Variants in SNTG1 observed in about 807,000 individuals in gnomAD.
SNTG1 encodes syntrophin gamma 1.
A neutral mutation model predicts 74.7 loss-of-function variants in SNTG1; 39 were observed. That is an observed-to-expected ratio of 0.52 (90% CI 0.40 to 0.68). The LOEUF is 0.68. Among genes scored for constraint, SNTG1 ranks in the 30% least tolerant of loss-of-function variants. The pLI, the probability that SNTG1 is intolerant of heterozygous loss-of-function variation, is 0.00. For missense variants in SNTG1, 685 were observed against 609.5 expected (o/e 1.12, Z -1.30); for synonymous variants, 254 against 217.1 (o/e 1.17, Z -1.49).
rs201483290 is a variant in SNTG1 at position 50,657,070 on chromosome 8, A to C, written c.966+45A>C. 16 of 1,179,156 alleles carry C rather than the reference A, an allele frequency of 1.4e-5. No homozygotes were observed. The African/African-American group carries it at 2.1e-4, about 15-fold the overall frequency. 73.0% of individuals were successfully genotyped at this position (1,179,156 alleles called of 1,614,324 possible). A position where few individuals can be genotyped will look rare whatever the true frequency, so the allele number is the denominator to read the frequency against. Reference sequence around the variant, plus strand: ...GTATTGGTCGTTTCCATATTATCACAAGAGATTGACACCAACTTAACAGCA... The same window carrying C: ...GTATTGGTCGTTTCCATATTATCACCAGAGATTGACACCAACTTAACAGCA... On this transcript the variant is annotated intron_variant, in intron 14 of 18. Coordinates refer to ENST00000642720, the MANE Select transcript of SNTG1 (RefSeq NM_018967.5).
chr8:50,628,600 T>C (rs529916764), intron 13 of SNTG1, among the ~76,000 whole-genome samples: 3 of 152,278 alleles, frequency 2.0e-5, no homozygotes, highest in South Asian at 2.1e-4. Context: ...CAGAATCTAT[T>C]CTTGTTGTAC....
intron 1 of SNTG1, among the ~76,000 whole-genome samples, chr8:50,111,494 G>C (rs1410137278): frequency 6.6e-6 from 1 of 152,092 alleles, no homozygotes; most frequent in Non-Finnish European, 1.5e-5. Context: ...AGTGAGAAGG[G>C]AGGAAGAGAG....
intron 11 of SNTG1, among the ~76,000 whole-genome samples, chr8:50,548,030 G>T (rs191950312): frequency 4.4e-4 from 67 of 152,324 alleles, no homozygotes; most frequent in African/African-American, 1.5e-3. Context: ...TCCTGTGAGG[G>T]TAGAAAGGTA....
chr8:50,180,857 T>A (rs2083180383), intron 2 of SNTG1, among the ~76,000 whole-genome samples: 2 of 148,886 alleles, frequency 1.3e-5, no homozygotes, highest in South Asian at 4.3e-4. Context: ...ACCTCCCAGG[T>A]TCAAGCGACT....
intron 2 of SNTG1, among the ~76,000 whole-genome samples, chr8:50,219,160 T>C (rs2084937277): frequency 6.6e-6 from 1 of 152,156 alleles, no homozygotes; most frequent in Non-Finnish European, 1.5e-5. Flanking sequence ...ATAAAGCATT[T>C]CCAATGACAG....
At chr8:50,436,808 T>C (rs2093308411) in intron 4 of SNTG1, among the ~76,000 whole-genome samples, 1 of 152,208 alleles carries the variant, frequency 6.6e-6, no homozygotes, top group African/African-American at 2.4e-5. Context: ...TTTTAAATTA[T>C]TAATAGATTT....
chr8:50,343,238 G>A (rs2091371950), intron 2 of SNTG1, among the ~76,000 whole-genome samples: 1 of 152,178 alleles, frequency 6.6e-6, no homozygotes, highest in African/African-American at 2.4e-5. Context: ...AAATAGGTAA[G>A]AACGACCATC....
In SNTG1 at chr8:50,108,527, A is replaced by C. The variant is rs530308010; in HGVS notation, c.-102-64034A>C. On this transcript the variant is annotated intron_variant, in intron 1 of 18. Coordinates refer to ENST00000642720, the MANE Select transcript of SNTG1 (RefSeq NM_018967.5). ...GCTATAAAGATGATACTGTACAAAA[A>C]GCAAGATTTATTTTGTAACAAAACA... 3.3e-5 allele frequency among the ~76,000 whole-genome samples: 5 copies of C among 152,340 alleles called. No homozygotes were observed. The South Asian group carries it at 1.0e-3, about 32-fold the overall frequency.
chr8:50,496,981 GA>G (rs34727478), intron 8 of SNTG1, among the ~76,000 whole-genome samples: 19 of 147,346 alleles, frequency 1.3e-4, no homozygotes, highest in African/African-American at 4.2e-4. Flanking sequence ...AAGAAAAATT[GA>G]AAAAAAAAAC....
At chr8:50,657,713 G>A (rs1013935701) in intron 14 of SNTG1, among the ~76,000 whole-genome samples, 2 of 151,878 alleles carry the variant, frequency 1.3e-5, no homozygotes, top group African/African-American at 2.4e-5. Context: ...ATGACAAGTC[G>A]AACTTGCTTA....
At chr8:50,426,503 A>C (rs1400791632) in intron 4 of SNTG1, among the ~76,000 whole-genome samples, 2 of 151,802 alleles carry the variant, frequency 1.3e-5, no homozygotes, top group African/African-American at 4.8e-5. Context: ...GAATATAAAG[A>C]AAATATTTTC....
intron 2 of SNTG1, among the ~76,000 whole-genome samples, chr8:50,233,930 G>A (rs779809886): frequency 4.6e-5 from 7 of 151,690 alleles, no homozygotes; most frequent in Non-Finnish European, 8.9e-5. Context: ...AAAACGGATC[G>A]CTCATATATT....
chr8:50,715,705 A>G (rs2095473431), intron 17 of SNTG1, among the ~76,000 whole-genome samples: 1 of 152,210 alleles, frequency 6.6e-6, no homozygotes, highest in Non-Finnish European at 1.5e-5. Flanking sequence ...AAACCCACTC[A>G]CATGTATATT....
intron 2 of SNTG1, among the ~76,000 whole-genome samples, chr8:50,293,263 C>T (rs559795642): frequency 2.0e-5 from 3 of 152,174 alleles, no homozygotes; most frequent in African/African-American, 7.2e-5. Context: ...GGGTTGGTTC[C>T]TCCTGAGGCC....
At chr8:50,150,701 G>A (rs143229698) in intron 1 of SNTG1, among the ~76,000 whole-genome samples, 2,517 of 152,276 alleles carry the variant, frequency 0.017, 27 homozygotes, top group Non-Finnish European at 0.024. Context: ...TACATTTATT[G>A]ATTTGTGTAT....
chr8:49,944,114 A>T (rs1808940923), intron 1 of SNTG1, among the ~76,000 whole-genome samples: 1 of 152,160 alleles, frequency 6.6e-6, no homozygotes. Context: ...CTATATCCTT[A>T]TGTTGTGTAC....
chr8:50,669,440 G>A (rs1387742654), intron 15 of SNTG1, among the ~76,000 whole-genome samples: 2 of 152,128 alleles, frequency 1.3e-5, no homozygotes, highest in Non-Finnish European at 2.9e-5. Flanking sequence ...AGAAAATCTA[G>A]AAGAAATGGA....
chr8:50,394,144 A>T, intron 2 of SNTG1, 68 bp from the exon 3 acceptor site: 1 of 1,239,954 alleles, frequency 8.1e-7, no homozygotes, highest in Non-Finnish European at 1.1e-6. Context: ...GATTTCCTCC[A>T]CTATATTAGT....
intron 15 of SNTG1, among the ~76,000 whole-genome samples, chr8:50,701,208 T>A (rs1198626817): frequency 6.6e-6 from 1 of 152,240 alleles, no homozygotes; most frequent in Non-Finnish European, 1.5e-5. Context: ...CAACGTTTAG[T>A]TATAGATTTT....
Sources: allele counts gnomAD v4.1 joint callset (sites outside exome capture counted in the v4.1 genomes callset), GRCh38; gene constraint gnomAD v4.1.1; transcripts MANE v1.5; gene names NCBI Gene and HGNC (gene_info 2026-07-23, HGNC 2026-07-21).